The following IFT140 variants were observed in gnomAD, a reference collection of about 807,000 sequenced individuals.
The protein encoded by IFT140 is intraflagellar transport 140, also known as intraflagellar transport protein 140 homolog.
IFT140 carries 133 observed loss-of-function variants against 164.6 expected under a neutral mutation model. That is an observed-to-expected ratio of 0.81 (90% CI 0.70 to 0.93). The LOEUF (loss-of-function observed/expected upper bound fraction) is 0.93, where lower values mean the gene tolerates loss of function less well. IFT140 is among the 40% of genes least tolerant of loss of function. The pLI, the probability that IFT140 is intolerant of heterozygous loss-of-function variation, is 0.00. For synonymous variants in IFT140, 860 were observed against 817.3 expected, an observed-to-expected ratio of 1.05 and a Z score of -0.89; for missense variants, 2,045 against 1,972.3, an observed-to-expected ratio of 1.04 and a Z score of -0.70.
intron 13 of IFT140, chr16:1,580,543 C>T: frequency 4.4e-6 from 2 of 451,312 alleles, no homozygotes. Context: ...TGTAAGTTTC[C>T]TGAGGCCTCC....
intron 30 of IFT140, among the ~76,000 whole-genome samples, chr16:1,517,350 C>CA (rs1331940278): frequency 2.8e-3 from 169 of 60,108 alleles, no homozygotes; most frequent in African/African-American, 5.6e-3. Context: ...ACTCCGTCTC[C>CA]AAAAAAAAAA....
rs2032993184 is a variant in IFT140 at position 1,555,186 on chromosome 16, T to TGCGAGACAC, written c.2399+2748_2399+2749insGTGTCTCGC. Reference sequence around the variant, plus strand: ...GCGTGCGAGACACGTGTGCGTTTACTGTTATGTCGGTCATATGTCTGTACG... The same window carrying TGCGAGACAC: ...GCGTGCGAGACACGTGTGCGTTTACTGCGAGACACGTTATGTCGGTCATATGTCTGTACG... On this transcript the variant is annotated intron_variant, in intron 19 of 30. Coordinates refer to ENST00000426508, the MANE Select transcript of IFT140 (RefSeq NM_014714.4). 5 of 898,450 alleles carry TGCGAGACAC rather than the reference T, an allele frequency of 5.6e-6. No homozygotes were observed. In the East Asian group the frequency reaches 1.3e-4, roughly 24 times the overall value. The allele number at this position is 898,450 out of a possible 1,614,324, so 55.7% of individuals were successfully genotyped here.
intron 19 of IFT140, chr16:1,534,084 G>A: frequency 3.1e-6 from 2 of 650,008 alleles, no homozygotes; most frequent in Non-Finnish European, 5.0e-6. Context: ...CCTGCTCCAG[G>A]TGCAGGAAGG....
In IFT140 at chr16:1,526,713, C is replaced by T; in HGVS notation, c.2483G>A (p.Gly828Asp). The change falls in exon 20 of 31, where the codon GGC (glycine) becomes GAC (aspartate). Residue 828 changes from glycine (G) to aspartate (D), a missense_variant. Transcript: ENST00000426508. ...DVAKVCLGNM[G>D]HARGARALRE... Reference sequence around the variant, plus strand: ...CAGCGCTCGGGCCCCGCGGGCATGGCCCATGTTCCCCAGGCACACCTTGGC... The same window carrying T: ...CAGCGCTCGGGCCCCGCGGGCATGGTCCATGTTCCCCAGGCACACCTTGGC... 1 of 1,607,914 alleles carries T rather than the reference C, an allele frequency of 6.2e-7. No homozygotes were observed. The highest frequency in any genetic ancestry group is 8.5e-7 in the Non-Finnish European group (1 of 1,178,384).
intron 30 of IFT140, among the ~76,000 whole-genome samples, chr16:1,517,260 G>C (rs2040388037): frequency 6.6e-6 from 1 of 151,446 alleles, no homozygotes. Flanking sequence ...TGAGGCAGGA[G>C]AATGGCGTGA....
intron 13 of IFT140, among the ~76,000 whole-genome samples, chr16:1,574,783 T>A (rs8060906): frequency 6.6e-6 from 1 of 151,454 alleles, no homozygotes; most frequent in Non-Finnish European, 1.5e-5. Flanking sequence ...CTCCCTCAGG[T>A]TCTCCATGGG....
At chr16:1,511,998 C>T (rs1295517758) in intron 30 of IFT140, among the ~76,000 whole-genome samples, 3 of 151,184 alleles carry the variant, frequency 2.0e-5, no homozygotes, top group Admixed American at 6.6e-5. Context: ...CAGAAAGGGC[C>T]GGCGTCCTGA....
Position 1,510,462 on chromosome 16 carries a change from AGT to A in IFT140, c.*480_*481del. 1 of 227,552 alleles carries A rather than the reference AGT, an allele frequency of 4.4e-6. No homozygotes were observed. The highest frequency in any genetic ancestry group is 8.8e-6 in the Non-Finnish European group (1 of 114,070). 14.1% of individuals were successfully genotyped at this position (227,552 alleles called of 1,614,324 possible). On this transcript the variant is annotated 3_prime_UTR_variant, in exon 31 of 31. Coordinates refer to ENST00000426508, the MANE Select transcript of IFT140 (RefSeq NM_014714.4). ...TAAACTGCTTTATTGGAATTACAGG[AGT>A]GTTGGTGGCCGGTGGGCAGAGCCTA...
chr16:1,549,649 C>T (rs969773285), intron 19 of IFT140, among the ~76,000 whole-genome samples: 2 of 152,136 alleles, frequency 1.3e-5, no homozygotes, highest in African/African-American at 4.8e-5. Context: ...CCAGGCTGGT[C>T]TCAAACTCCT....
At chr16:1,528,116 C>T (rs966464742) in intron 19 of IFT140, among the ~76,000 whole-genome samples, 6 of 152,146 alleles carry the variant, frequency 3.9e-5, no homozygotes, top group African/African-American at 1.4e-4. Flanking sequence ...GATCCCGCCC[C>T]AAGGGCCTTG....
In IFT140 at chr16:1,592,273, T is replaced by C. The variant is rs2035219965; in HGVS notation, c.537A>G (p.Lys179=). 6.2e-7 allele frequency: 1 copy of C among 1,614,080 alleles called. No individual in the cohort carries two copies. Among genetic ancestry groups the C allele is most frequent in the South Asian group, 1.1e-5 (1 of 91,092 alleles). ...LAKAAVSGDE[K]ALDMFNWKKS... ...TCTTCCAGTTAAACATGTCCAGGGCTTTCTCATCACCGCTCACAGCTGCCT... is the reference window on the plus strand; with the variant it reads ...TCTTCCAGTTAAACATGTCCAGGGCCTTCTCATCACCGCTCACAGCTGCCT... Residue 179 remains lysine (K), a synonymous_variant, in exon 6 of 31, where the codon AAA becomes AAG. Coordinates refer to ENST00000426508, the MANE Select transcript of IFT140 (RefSeq NM_014714.4).
At chr16:1,601,982 G>C (rs1287141018) in intron 4 of IFT140, among the ~76,000 whole-genome samples, 3 of 152,222 alleles carry the variant, frequency 2.0e-5, no homozygotes, top group Non-Finnish European at 2.9e-5. Flanking sequence ...CCACCCACAG[G>C]GGTCCAGCTG....
At chr16:1,576,526 A>G (rs2034284766) in intron 13 of IFT140, among the ~76,000 whole-genome samples, 1 of 150,490 alleles carries the variant, frequency 6.6e-6, no homozygotes, top group African/African-American at 2.5e-5. Flanking sequence ...CAGGAGGCGG[A>G]GCTTGCAGTG....
chr16:1,592,810 T>C (rs571026458), intron 4 of IFT140, among the ~76,000 whole-genome samples: 1 of 139,764 alleles, frequency 7.2e-6, no homozygotes, highest in Admixed American at 7.4e-5. Flanking sequence ...TGCCCAGCAC[T>C]GACCTCCCCA....
In IFT140 at chr16:1,553,489, G is replaced by A. The variant is rs2032845104; in HGVS notation, c.2399+4446C>T. On this transcript the variant is annotated intron_variant, in intron 19 of 30. Coordinates refer to ENST00000426508, the MANE Select transcript of IFT140 (RefSeq NM_014714.4). The surrounding 1 kb of genome is among the most constrained non-coding windows in gnomAD (Gnocchi z 4.4). ...GCAGGCCAGGCGGAGGGACAGCAGT[G>A]GGGCTCGGCGTGGCCGGAGCCTGGG... 1.2e-5 allele frequency: 12 copies of A among 985,356 alleles called. No homozygotes were observed. The South Asian group carries it at 2.8e-4, about 23-fold the overall frequency. The allele number at this position is 985,356 out of a possible 1,614,324, so 61.0% of individuals were successfully genotyped here.
At chr16:1,527,817 C>A (rs1450639856) in intron 19 of IFT140, among the ~76,000 whole-genome samples, 5 of 152,236 alleles carry the variant, frequency 3.3e-5, no homozygotes, top group African/African-American at 1.2e-4. Flanking sequence ...AAGTGATCCA[C>A]CTGCCTTGGC....
In IFT140 at chr16:1,586,283, T is replaced by C. The variant is rs1211381052; in HGVS notation, c.1010-8A>G. On this transcript the variant is annotated splice_region_variant and splice_polypyrimidine_tract_variant and intron_variant, in intron 9 of 30. Transcript: ENST00000426508. ...TACCAGCGGCCAGAAGACCTACAGG[T>C]AGAAACAAACTGCATGTGAACAGAG... 1 of 1,609,464 alleles carries C rather than the reference T, an allele frequency of 6.2e-7. No individual in the cohort carries two copies. Among genetic ancestry groups the C allele is most frequent in the Non-Finnish European group, 8.5e-7 (1 of 1,177,946 alleles).
At chr16:1,581,814 T>G (rs191345302) in intron 12 of IFT140, among the ~76,000 whole-genome samples, 2,028 of 9,734 alleles carry the variant, frequency 0.21, 30 homozygotes, top group African/African-American at 0.31. Flanking sequence ...GGGATGGGAG[T>G]GGAGGGGAGG....
At chr16:1,568,414 C>A in intron 14 of IFT140, 80 bp from the exon 15 acceptor site, 2 of 1,140,850 alleles carry the variant, frequency 1.8e-6, no homozygotes, top group Admixed American at 1.7e-5. Flanking sequence ...CCTCTGTTCA[C>A]CGGATGAGTG....
Sources: allele counts gnomAD v4.1 joint callset (sites outside exome capture counted in the v4.1 genomes callset), GRCh38; gene constraint gnomAD v4.1.1; non-coding constraint Gnocchi (gnomAD v3.1); transcripts MANE v1.5; gene names NCBI Gene and HGNC (gene_info 2026-07-23, HGNC 2026-07-21).